The following MAPK4 variants were observed in gnomAD, a reference collection of about 807,000 sequenced individuals.
MAPK4 encodes Erk3-related.
MAPK4 carries 22 observed loss-of-function variants against 47.7 expected under a neutral mutation model. That is an observed-to-expected ratio of 0.46 (90% confidence interval 0.33 to 0.66). MAPK4 has a LOEUF of 0.66. Ranked by LOEUF, MAPK4 falls within the 30% of genes least tolerant of loss-of-function variation. The pLI is 0.02. For synonymous variants in MAPK4, 390 were observed against 365.7 expected (o/e 1.07, Z -0.76); for missense variants, 736 against 831.7 (o/e 0.88, Z 1.42).
At chr18:50,605,072 C>T (rs1267629514) in intron 1 of MAPK4, among the ~76,000 whole-genome samples, 1 of 152,196 alleles carries the variant, frequency 6.6e-6, no homozygotes, top group Non-Finnish European at 1.5e-5. Context: ...TGTACCAGGC[C>T]CTGTGCACAC....
intron 3 of MAPK4, among the ~76,000 whole-genome samples, chr18:50,716,672 C>T (rs1598949423): frequency 6.6e-6 from 1 of 152,162 alleles, no homozygotes; most frequent in Admixed American, 6.5e-5. Context: ...CTCCGGGCCT[C>T]ATATCCGGTC....
intron 1 of MAPK4, among the ~76,000 whole-genome samples, chr18:50,586,337 T>G (rs533647238): frequency 4.0e-5 from 6 of 151,872 alleles, no homozygotes; most frequent in Non-Finnish European, 8.8e-5. Flanking sequence ...GAAAGAGACA[T>G]CCTATAAAAA....
intron 1 of MAPK4, among the ~76,000 whole-genome samples, chr18:50,594,467 A>G (rs949026635): frequency 1.7e-4 from 26 of 152,208 alleles, no homozygotes; most frequent in African/African-American, 5.1e-4. Context: ...TTTACAGTCA[A>G]TTGATTTTTG....
intron 1 of MAPK4, among the ~76,000 whole-genome samples, chr18:50,609,700 G>A (rs2042615663): frequency 6.6e-6 from 1 of 152,072 alleles, no homozygotes; most frequent in African/African-American, 2.4e-5. Context: ...GGAAACCAAG[G>A]CACAGAGAGG....
intron 1 of MAPK4, among the ~76,000 whole-genome samples, chr18:50,622,480 C>G (rs2042740993): frequency 6.6e-6 from 1 of 152,194 alleles, no homozygotes; most frequent in Non-Finnish European, 1.5e-5. Context: ...GGTGTGAACC[C>G]TGGCCAGGTG....
chr18:50,620,844 A>G (rs778823072), intron 1 of MAPK4, among the ~76,000 whole-genome samples: 27 of 152,186 alleles, frequency 1.8e-4, no homozygotes, highest in Non-Finnish European at 3.4e-4. Flanking sequence ...AGCTCCATCA[A>G]ACCATCTATC....
At chr18:50,639,954 C>G (rs1026772597) in intron 1 of MAPK4, among the ~76,000 whole-genome samples, 1 of 152,226 alleles carries the variant, frequency 6.6e-6, no homozygotes, top group African/African-American at 2.4e-5. Flanking sequence ...GAACTAGCGT[C>G]TGATATTTAT....
intron 1 of MAPK4, among the ~76,000 whole-genome samples, chr18:50,589,739 A>G (rs2042420994): frequency 6.6e-6 from 1 of 152,204 alleles, no homozygotes; most frequent in South Asian, 2.1e-4. Flanking sequence ...GTTCTCTTTC[A>G]GTTTCAGTCC....
At chr18:50,653,360 C>G (rs2043072802) in intron 1 of MAPK4, among the ~76,000 whole-genome samples, 1 of 152,120 alleles carries the variant, frequency 6.6e-6, no homozygotes, top group South Asian at 2.1e-4. Flanking sequence ...GAGTAGAGTT[C>G]AGCGAGACTG....
intron 2 of MAPK4, chr18:50,704,812 C>T: frequency 2.5e-6 from 1 of 398,632 alleles, no homozygotes. Context: ...CAGCAGCCAT[C>T]CTGGGAGAGC....
At chr18:50,718,991 G>C (rs988517436) in intron 3 of MAPK4, among the ~76,000 whole-genome samples, 2 of 151,782 alleles carry the variant, frequency 1.3e-5, no homozygotes. Flanking sequence ...GGCTAAGACA[G>C]GGGAATTGCT....
Position 50,730,014 on chromosome 18 carries a change from G to A in MAPK4, c.*160G>A. The A allele has an allele frequency of 1.4e-6, 1 of 733,176 alleles. No individual in the cohort carries two copies. The highest frequency in any genetic ancestry group is 2.1e-6 in the Non-Finnish European group (1 of 474,710). The allele number at this position is 733,176 out of a possible 1,614,324, so 45.4% of individuals were successfully genotyped here. A position where few individuals can be genotyped will look rare whatever the true frequency, so the allele number is the denominator to read the frequency against. ...GAGAGGAATGTCCATTTCTTAAACTGCCTTAATAACTAGCCTTTAACCTGT... is the reference window on the plus strand; with the variant it reads ...GAGAGGAATGTCCATTTCTTAAACTACCTTAATAACTAGCCTTTAACCTGT... On this transcript the variant is annotated 3_prime_UTR_variant, in exon 6 of 6. Transcript: ENST00000400384.
intron 2 of MAPK4, among the ~76,000 whole-genome samples, chr18:50,693,468 A>C (rs1260600250): frequency 2.0e-5 from 3 of 152,198 alleles, no homozygotes; most frequent in Non-Finnish European, 2.9e-5. Flanking sequence ...AAAAAAATAC[A>C]AAGGCAGACT....
In MAPK4 at chr18:50,723,308, G is replaced by A. The variant is rs189823074; in HGVS notation, c.853+1209G>A. Among the ~76,000 whole-genome samples, 369 of 152,256 alleles carry A rather than the reference G, an allele frequency of 2.4e-3. 1 individual carries two copies. Among genetic ancestry groups the A allele is most frequent in the African/African-American group, 7.9e-3 (330 of 41,542 alleles). On this transcript the variant is annotated intron_variant, in intron 4 of 5. Coordinates refer to ENST00000400384, the MANE Select transcript of MAPK4 (RefSeq NM_002747.4). Reference sequence around the variant, plus strand: ...TCTTGCAGGAGGTTTTTCTGGGTCAGGCCTGGAAGTGGGGTACACACAGCA... The same window carrying A: ...TCTTGCAGGAGGTTTTTCTGGGTCAAGCCTGGAAGTGGGGTACACACAGCA...
chr18:50,692,086 T>C (rs143542124), intron 2 of MAPK4, among the ~76,000 whole-genome samples: 41 of 152,360 alleles, frequency 2.7e-4, no homozygotes, highest in African/African-American at 9.6e-4. Context: ...TTTTAAGTTT[T>C]ATTTTGGATT....
Position 50,722,097 on chromosome 18 carries a change from A to G in MAPK4, c.851A>G (p.Glu284Gly). Residue 284 changes from glutamate (E) to glycine (G), a missense_variant and splice_region_variant, in exon 4 of 6, where the codon GAA (glutamate) becomes GGA (glycine). Physicochemically the swap from Glu to Gly is moderately conservative, Grantham distance 98. Coordinates refer to ENST00000400384, the MANE Select transcript of MAPK4 (RefSeq NM_002747.4). ...LRKLLPEVNS[E>G]AIDFLEKILT... ...AAGCTGCTCCCTGAAGTGAACAGTG[A>G]AGGTACCTGAGCCTGGCAGCCAGGC... 1 of 1,610,136 alleles carries G rather than the reference A, an allele frequency of 6.2e-7. No homozygotes were observed. The highest frequency in any genetic ancestry group is 8.5e-7 in the Non-Finnish European group (1 of 1,178,652).
At chr18:50,619,746 C>T (rs1003699554) in intron 1 of MAPK4, among the ~76,000 whole-genome samples, 17 of 152,240 alleles carry the variant, frequency 1.1e-4, no homozygotes, top group Admixed American at 5.9e-4. Context: ...CACACTCACA[C>T]TCCATGGAAA....
At chr18:50,596,758 A>G (rs1425434354) in intron 1 of MAPK4, among the ~76,000 whole-genome samples, 4 of 152,242 alleles carry the variant, frequency 2.6e-5, no homozygotes, top group Non-Finnish European at 5.9e-5. Context: ...GGCAATTATC[A>G]TTAGCCATAG....
chr18:50,705,043 G>A (rs922641607), intron 2 of MAPK4: 5 of 349,522 alleles, frequency 1.4e-5, no homozygotes, highest in African/African-American at 8.4e-5. Context: ...TGAGGGGTCC[G>A]GCTTCCACAC....
Sources: gnomAD v4.1 joint callset for allele counts (sites outside exome capture counted in the v4.1 genomes callset) on GRCh38, gnomAD v4.1.1 for gene constraint, MANE v1.5 for transcripts, NCBI Gene and HGNC (gene_info 2026-07-23, HGNC 2026-07-21) for gene names.